Variants in HSD17B3 observed in about 807,000 individuals in gnomAD.
The protein encoded by HSD17B3 is 17-beta-hydroxysteroid dehydrogenase type 3.
In HSD17B3, 29 loss-of-function variants were observed where a neutral mutation model predicts 41.1. The ratio of observed to expected loss-of-function variants is 0.71; its 90% CI spans 0.53 to 0.96. The LOEUF (loss-of-function observed/expected upper bound fraction) is 0.96, where lower values mean the gene tolerates loss of function less well. Among genes scored for constraint, HSD17B3 ranks in the 40% least tolerant of loss-of-function variants. The probability of loss-of-function intolerance (pLI) is 0.00; values close to 1 mark genes in which losing one functional copy is unlikely to be tolerated. For missense variants in HSD17B3, 323 were observed against 374.6 expected (o/e 0.86, Z 1.14); for synonymous variants, 126 against 145.6 (o/e 0.87, Z 0.97).
chr9:96,249,899 T>C lies in HSD17B3; in HGVS notation c.454-113A>G, dbSNP rs987476601. On this transcript the variant is annotated intron_variant, in intron 5 of 10. Transcript: ENST00000375263. ...GGCAAAAGTGCATGTCTGAACGGTTTCATCACTCACCCTGCAAATTAGGCT... is the reference window on the plus strand; with the variant it reads ...GGCAAAAGTGCATGTCTGAACGGTTCCATCACTCACCCTGCAAATTAGGCT... 38 of 1,592,406 alleles carry C rather than the reference T, an allele frequency of 2.4e-5. No homozygotes were observed. In the South Asian group the frequency reaches 4.3e-4, roughly 18 times the overall value.
chr9:96,275,669 G>A (rs1826424053), intron 2 of HSD17B3, among the ~76,000 whole-genome samples: 1 of 151,898 alleles, frequency 6.6e-6, no homozygotes. Flanking sequence ...TAATTAAATT[G>A]TTATCAACTT....
chr9:96,260,908 G>T lies in HSD17B3; in HGVS notation c.202-5965C>A, dbSNP rs934007949. Among the ~76,000 whole-genome samples the T allele has an allele frequency of 2.0e-5, 3 of 152,114 alleles. 1 individual carries two copies. The highest frequency in any genetic ancestry group is 7.2e-5 in the African/African-American group (3 of 41,418). ...GTCGGGTGTGGAGGGAGCATTGCCC[G>T]CCTCTCACCTCACAGTAAAGGAGAG... is the stretch of plus-strand genomic sequence containing the variant. On this transcript the variant is annotated intron_variant, in intron 2 of 10. Coordinates refer to ENST00000375263, the MANE Select transcript of HSD17B3 (RefSeq NM_000197.2).
chr9:96,293,167 T>A (rs1248116879), intron 2 of HSD17B3, among the ~76,000 whole-genome samples: 1 of 152,222 alleles, frequency 6.6e-6, no homozygotes, highest in Non-Finnish European at 1.5e-5. Context: ...GCGGTGAACA[T>A]TGTGTTTCAA....
rs112171540 is a variant in HSD17B3, at chr9:96,291,340, C to G, written c.201+7076G>C. Among the ~76,000 whole-genome samples the G allele has an allele frequency of 3.2e-3, 480 of 151,676 alleles. 6 individuals are homozygous for G. Among genetic ancestry groups the G allele is most frequent in the African/African-American group, 0.011 (447 of 41,260 alleles). On this transcript the variant is annotated intron_variant, in intron 2 of 10. Coordinates refer to ENST00000375263, the MANE Select transcript of HSD17B3 (RefSeq NM_000197.2). ...GTATCAGCAGAGGCCCAGGAAGAAG[C>G]CAGAACCCCACCCCCACCCAACAGT... is the stretch of plus-strand genomic sequence containing the variant.
chr9:96,272,405 C>CTCTCTCTCTCTCTCTCTCTCTATATA (rs1239816824), intron 2 of HSD17B3, among the ~76,000 whole-genome samples: 3 of 21,536 alleles, frequency 1.4e-4, no homozygotes, highest in African/African-American at 1.6e-4. Flanking sequence ...CTCTCTCTCT[C>CTCTCTCTCTCTCTCTCTCTCTATATA]TATATATATA....
At chr9:96,253,968 C>T (rs1825529975) in intron 3 of HSD17B3, among the ~76,000 whole-genome samples, 1 of 152,120 alleles carries the variant, frequency 6.6e-6, no homozygotes, top group South Asian at 2.1e-4. Flanking sequence ...TGTCCCAAAT[C>T]TCCCCCAGGG....
chr9:96,248,234 C>T (rs1214185079), intron 6 of HSD17B3, among the ~76,000 whole-genome samples: 2 of 152,150 alleles, frequency 1.3e-5, no homozygotes, highest in African/African-American at 2.4e-5. Flanking sequence ...CCATCAATTG[C>T]TAAGCACAAA....
intron 2 of HSD17B3, among the ~76,000 whole-genome samples, chr9:96,273,342 C>G (rs2130765436): frequency 6.6e-6 from 1 of 152,274 alleles, no homozygotes; most frequent in African/African-American, 2.4e-5. Context: ...TTCAGTGGAG[C>G]ACAAAAACTG....
Position 96,252,787 on chromosome 9 carries a change from C to G in HSD17B3, c.385+16G>C. 1.5e-6 allele frequency: 2 copies of G among 1,310,238 alleles called. No individual in the cohort carries two copies. Among genetic ancestry groups the G allele is most frequent in the East Asian group, 4.6e-5 (2 of 43,434 alleles). The allele number at this position is 1,310,238 out of a possible 1,614,324, so 81.2% of individuals were successfully genotyped here. On this transcript the variant is annotated intron_variant, in intron 4 of 10. Transcript: ENST00000375263. ...TGATGTATGACAACAAGCTTTGCATCTTGCAATTTACTCACCTAAAATTCC... is the reference window on the plus strand; with the variant it reads ...TGATGTATGACAACAAGCTTTGCATGTTGCAATTTACTCACCTAAAATTCC...
At chr9:96,241,995 AAGAAAGAAAG>A (rs1178604699) in intron 9 of HSD17B3, among the ~76,000 whole-genome samples, 19 of 148,622 alleles carry the variant, frequency 1.3e-4, no homozygotes, top group African/African-American at 4.9e-4. Context: ...GAAAGAAAGA[AAGAAAGAAAG>A]AGAAAGAAAA....
Position 96,250,481 on chromosome 9 carries a change from G to C in HSD17B3, c.454-695C>G, listed in dbSNP as rs746542972. 9.6e-5 allele frequency: 101 copies of C among 1,057,356 alleles called. 1 individual carries two copies. The highest frequency in any genetic ancestry group is 8.5e-4 in the Middle Eastern group (2 of 2,356). 65.5% of individuals were successfully genotyped at this position (1,057,356 alleles called of 1,614,324 possible). On this transcript the variant is annotated intron_variant, in intron 5 of 10. Transcript: ENST00000375263. ...ACTCGGGGCTTACACAGGACGATGG[G>C]ATACCTGCAGAAGTGGGGAATGGAA...
chr9:96,259,049 G>A (rs1433037216), intron 2 of HSD17B3, among the ~76,000 whole-genome samples: 1 of 152,176 alleles, frequency 6.6e-6, no homozygotes, highest in African/African-American at 2.4e-5. Flanking sequence ...CTAGTGCCAG[G>A]ATTGAGAGAC....
intron 2 of HSD17B3, among the ~76,000 whole-genome samples, chr9:96,272,919 A>G (rs942008905): frequency 1.3e-5 from 2 of 152,178 alleles, no homozygotes; most frequent in Admixed American, 1.3e-4. Flanking sequence ...ACGTTGGTGA[A>G]TCTCCAGAAA....
intron 2 of HSD17B3, among the ~76,000 whole-genome samples, chr9:96,288,217 G>A (rs565502166): frequency 1.8e-4 from 27 of 152,190 alleles, no homozygotes; most frequent in Non-Finnish European, 3.4e-4. Flanking sequence ...TAAACAACTC[G>A]GTTAATTTCC....
At chr9:96,242,005 G>GAAAGAA (rs10639457) in intron 9 of HSD17B3, among the ~76,000 whole-genome samples, 92 of 68,548 alleles carry the variant, frequency 1.3e-3, no homozygotes, top group African/African-American at 4.1e-3. Flanking sequence ...AAGAAAGAAA[G>GAAAGAA]AGAAAGAAAA....
At chr9:96,248,808 T>C (rs1836775488) in intron 6 of HSD17B3, among the ~76,000 whole-genome samples, 1 of 152,188 alleles carries the variant, frequency 6.6e-6, no homozygotes, top group Non-Finnish European at 1.5e-5. Flanking sequence ...CTACATAGGA[T>C]AGCTTTGAGG....
intron 2 of HSD17B3, among the ~76,000 whole-genome samples, chr9:96,264,680 T>C (rs7042971): frequency 0.54 from 81,852 of 152,010 alleles, 22,083 homozygotes; most frequent in East Asian, 0.63. Context: ...GCCCCCACAC[T>C]GCGTCTGGCC....
At chr9:96,295,338 T>G (rs2130796119) in intron 2 of HSD17B3, among the ~76,000 whole-genome samples, 1 of 150,546 alleles carries the variant, frequency 6.6e-6, no homozygotes, top group Middle Eastern at 3.4e-3. Flanking sequence ...TTGTTTTTGT[T>G]TTTGTTTTTG....
intron 9 of HSD17B3, among the ~76,000 whole-genome samples, 163 bp from the exon 10 acceptor site, chr9:96,241,070 G>T (rs1240650033): frequency 6.6e-6 from 1 of 152,096 alleles, no homozygotes; most frequent in Admixed American, 6.5e-5. Flanking sequence ...GCACAGAGCT[G>T]GGAATCAGAA....
Sources: gnomAD v4.1 joint callset for allele counts (sites outside exome capture counted in the v4.1 genomes callset) on GRCh38, gnomAD v4.1.1 for gene constraint, MANE v1.5 for transcripts, NCBI Gene and HGNC (gene_info 2026-07-23, HGNC 2026-07-21) for gene names.